The following COL9A3 variants were observed in gnomAD, a reference collection of about 807,000 sequenced individuals.
The protein encoded by COL9A3 is collagen alpha-3(IX) chain.
COL9A3 carries 82 observed loss-of-function variants against 110.2 expected under a neutral mutation model. The ratio of observed to expected loss-of-function variants is 0.74; its 90% CI spans 0.62 to 0.89. The LOEUF is 0.89. COL9A3 is among the 40% of genes least tolerant of loss of function. The pLI is 0.00. For synonymous variants in COL9A3, 494 were observed against 403.8 expected, an observed-to-expected ratio of 1.22 and a Z score of -2.68; for missense variants, 1,066 against 981.3, an observed-to-expected ratio of 1.09 and a Z score of -1.15.
intron 4 of COL9A3, 149 bp downstream of exon 4, chr20:62,819,442 C>A: frequency 1.3e-6 from 1 of 770,474 alleles, no homozygotes; most frequent in South Asian, 1.6e-5. Context: ...AACAGGGGTC[C>A]TTTGGCCTTC....
rs36094661 is a variant in COL9A3 at position 62,825,772 on chromosome 20, G to A, written c.631-45G>A. ...GACTGGAGGCACCGAAAGGTGCAAG[G>A]AGAGCCAGACTGGGCCGCTGACCAC... is the stretch of plus-strand genomic sequence containing the variant. On this transcript the variant is annotated intron_variant, in intron 12 of 31. Transcript: ENST00000649368. The A allele has an allele frequency of 0.15, 236,819 of 1,545,894 alleles. 19,763 individuals carry two copies. Among genetic ancestry groups the A allele is most frequent in the Non-Finnish European group, 0.17 (197,413 of 1,142,718 alleles).
intron 17 of COL9A3, 98 bp from the exon 18 acceptor site, chr20:62,828,666 T>G: frequency 3.7e-6 from 5 of 1,352,948 alleles, no homozygotes; most frequent in South Asian, 1.2e-5. Flanking sequence ...CAGACACAGT[T>G]TTAGGTTGAT....
chr20:62,821,375 C>T, intron 6 of COL9A3, 132 bp from the exon 7 acceptor site: 2 of 1,395,106 alleles, frequency 1.4e-6, no homozygotes, highest in Non-Finnish European at 2.0e-6. Flanking sequence ...CTGGTGCCCT[C>T]TCTGGGCTGG....
Position 62,821,947 on chromosome 20 carries a change from C to A in COL9A3, c.423+137C>A. ...CCACCTTGGTGGGTGTTGGTAGAAG[C>A]CCTGGCCAATGATCCAGACCCGACC... On this transcript the variant is annotated intron_variant, in intron 8 of 31. Coordinates refer to ENST00000649368, the MANE Select transcript of COL9A3 (RefSeq NM_001853.4). The A allele has an allele frequency of 5.3e-6, 4 of 751,778 alleles. No homozygotes were observed. In the Admixed American group the frequency reaches 6.0e-5, roughly 11 times the overall value. 46.6% of individuals were successfully genotyped at this position (751,778 alleles called of 1,614,324 possible).
In COL9A3 at chr20:62,835,774, T is replaced by C. The variant is rs371365428; in HGVS notation, c.1369-147T>C. 1.1e-5 allele frequency: 9 copies of C among 813,902 alleles called. No homozygotes were observed. The East Asian group carries it at 2.3e-4, about 21-fold the overall frequency. The allele number at this position is 813,902 out of a possible 1,614,324, so 50.4% of individuals were successfully genotyped here. A position where few individuals can be genotyped will look rare whatever the true frequency, so the allele number is the denominator to read the frequency against. Reference sequence around the variant, plus strand: ...ATCACAGAAATATAAAAAATGTATATAGAAGAACGGAAGGAACCACTGTCA... The same window carrying C: ...ATCACAGAAATATAAAAAATGTATACAGAAGAACGGAAGGAACCACTGTCA... On this transcript the variant is annotated intron_variant, in intron 26 of 31. Coordinates refer to ENST00000649368, the MANE Select transcript of COL9A3 (RefSeq NM_001853.4).
chr20:62,820,051 C>T (rs1991068993), intron 5 of COL9A3, 69 bp downstream of exon 5: 2 of 1,549,732 alleles, frequency 1.3e-6, no homozygotes, highest in African/African-American at 2.7e-5. Context: ...TCTGGCTGCT[C>T]TGTGTCCACA....
chr20:62,817,194 A>C, intron 1 of COL9A3, 52 bp downstream of exon 1: 1 of 1,253,428 alleles, frequency 8.0e-7, no homozygotes, highest in East Asian at 3.5e-5. Context: ...CGACCGCCCC[A>C]GCCCCGAACC....
At chr20:62,820,760 G>A (rs960127353) in intron 5 of COL9A3, among the ~76,000 whole-genome samples, 1 of 152,196 alleles carries the variant, frequency 6.6e-6, no homozygotes, top group African/African-American at 2.4e-5. Flanking sequence ...ATTTCAGGCA[G>A]CAGGGGCCAG....
Position 62,819,233 on chromosome 20 carries a change from G to A in COL9A3, c.195G>A (p.Gly65=), listed in dbSNP as rs754198743. ...TTCCTCCTGCACAGGGACCAAAGGG[G>A]GCCCCAGGAAAGCCGGGGAAACCAG... ...PGLPGPPGPK[G]APGKPGKPGE... The change falls in exon 4 of 32, where the codon GGG becomes GGA. Residue 65 remains glycine, a synonymous_variant. Transcript: ENST00000649368. The A allele has an allele frequency of 1.2e-6, 2 of 1,612,768 alleles. No homozygotes were observed. Among genetic ancestry groups the A allele is most frequent in the Non-Finnish European group, 1.7e-6 (2 of 1,179,964 alleles).
Position 62,826,827 on chromosome 20 carries a change from G to A in COL9A3, c.792+7G>A. Reference sequence around the variant, plus strand: ...AGGAGCGCCTGGGAAAGCGGTACGTGTGTCAGTGGACGGTGGGCGCCATGC... The same window carrying A: ...AGGAGCGCCTGGGAAAGCGGTACGTATGTCAGTGGACGGTGGGCGCCATGC... On this transcript the variant is annotated splice_region_variant and intron_variant, in intron 15 of 31. Transcript: ENST00000649368. The A allele has an allele frequency of 6.2e-7, 1 of 1,612,742 alleles. No individual in the cohort carries two copies. Among genetic ancestry groups the A allele is most frequent in the Non-Finnish European group, 8.5e-7 (1 of 1,179,928 alleles).
chr20:62,821,656 C>T (rs1180618262), intron 7 of COL9A3, 101 bp from the exon 8 acceptor site: 3 of 1,542,842 alleles, frequency 1.9e-6, no homozygotes, highest in African/African-American at 1.4e-5. Flanking sequence ...CCACCCCATA[C>T]TTGGAGCCCC....
At chr20:62,832,749 C>T in intron 25 of COL9A3, 3 of 274,688 alleles carry the variant, frequency 1.1e-5, no homozygotes, top group East Asian at 2.3e-4. Context: ...GGAGGGCCTG[C>T]AGCCATCGAA....
rs533838331 is a variant in COL9A3 at position 62,817,692 on chromosome 20, A to G, written c.147+57A>G. The G allele has an allele frequency of 1.2e-4, 140 of 1,210,454 alleles. No homozygotes were observed. In the African/African-American group the frequency reaches 2.0e-3, roughly 17 times the overall value. The allele number at this position is 1,210,454 out of a possible 1,614,324, so 75.0% of individuals were successfully genotyped here. On this transcript the variant is annotated intron_variant, in intron 2 of 31. Coordinates refer to ENST00000649368, the MANE Select transcript of COL9A3 (RefSeq NM_001853.4). ...CTCTGGGGTTCTGGCTCTGGCCCCC[A>G]CCTCCCTGAGCTCCCCGGCCTGATG...
At position 62,821,771 on chromosome 20, in the gene COL9A3, G is replaced by A; in HGVS notation, c.384G>A (p.Val128=). 1 of 1,610,668 alleles carries A rather than the reference G, an allele frequency of 6.2e-7. No individual in the cohort carries two copies. Among genetic ancestry groups the A allele is most frequent in the Non-Finnish European group, 8.5e-7 (1 of 1,178,980 alleles). ...GLPGPPGEAG[V]SGPPGGIGLR... is the part of the protein sequence containing the mutation. ...CTTCCCTCCAGGGAGAGGCAGGAGTGAGCGGCCCCCCAGGTGGGATCGGCC... is the reference window on the plus strand; with the variant it reads ...CTTCCCTCCAGGGAGAGGCAGGAGTAAGCGGCCCCCCAGGTGGGATCGGCC... The change falls in exon 8 of 32, where the codon GTG becomes GTA. Residue 128 remains valine, a synonymous_variant. Coordinates refer to ENST00000649368, the MANE Select transcript of COL9A3 (RefSeq NM_001853.4).
At chr20:62,819,347 G>A in intron 4 of COL9A3, 54 bp downstream of exon 4, 1 of 1,527,268 alleles carries the variant, frequency 6.5e-7, no homozygotes. Flanking sequence ...CGGGTCCCTG[G>A]AGGAGTCCGG....
At chr20:62,837,801 C>T (rs1007310463) in intron 30 of COL9A3, among the ~76,000 whole-genome samples, 5 of 149,238 alleles carry the variant, frequency 3.4e-5, no homozygotes, top group South Asian at 2.1e-4. Flanking sequence ...AGCGAGACTC[C>T]GTCTCCATAA....
rs1568763760 is a variant in COL9A3 at position 62,835,925 on chromosome 20, C to T, written c.1373C>T (p.Pro458Leu). The change falls in exon 27 of 32, where the codon CCC becomes CTC. Residue 458 changes from proline (P) to leucine (L), a missense_variant. Pro to Leu is a moderately conservative substitution (Grantham distance 98). Transcript: ENST00000649368. Reference protein sequence around the residue: ...GLPGDKGELGPSGLVGPKGES... With the variant: ...GLPGDKGELGLSGLVGPKGES... ...ACACAACTTTTCTCTTCACAGGGTC[C>T]CAGCGGCCTGGTCGGACCCAAAGGA... 1 of 1,614,234 alleles carries T rather than the reference C, an allele frequency of 6.2e-7. No homozygotes were observed. Among genetic ancestry groups the T allele is most frequent in the Non-Finnish European group, 8.5e-7 (1 of 1,180,048 alleles).
At chr20:62,831,124 G>A (rs929070456) in intron 24 of COL9A3, 8 of 152,290 alleles carry the variant, frequency 5.3e-5, no homozygotes, top group African/African-American at 1.4e-4. Context: ...GGTTGACAGA[G>A]GATCACGTTG....
chr20:62,821,321 C>G, intron 6 of COL9A3, 105 bp downstream of exon 6: 1 of 1,366,026 alleles, frequency 7.3e-7, no homozygotes, highest in Admixed American at 1.9e-5. Flanking sequence ...ATCCCTGGCC[C>G]TCTCATCTGC....
Sources: allele counts gnomAD v4.1 joint callset (sites outside exome capture counted in the v4.1 genomes callset), GRCh38; gene constraint gnomAD v4.1.1; transcripts MANE v1.5; gene names NCBI Gene and HGNC (gene_info 2026-07-23, HGNC 2026-07-21).